Variants in DDX19B observed in about 807,000 individuals in gnomAD.
The protein encoded by DDX19B is ATP-dependent RNA helicase DDX19B.
A neutral mutation model predicts 58.1 loss-of-function variants in DDX19B; 27 were observed. The observed-to-expected ratio is 0.46, with a 90% confidence interval of 0.34 to 0.64. DDX19B has a LOEUF of 0.64. Ranked by LOEUF, DDX19B falls within the 30% of genes least tolerant of loss-of-function variation. The probability of loss-of-function intolerance (pLI) is 0.01; values close to 1 mark genes in which losing one functional copy is unlikely to be tolerated. For missense variants in DDX19B, 399 were observed against 596.5 expected (o/e 0.67, Z 3.45); for synonymous variants, 187 against 214.4 (o/e 0.87, Z 1.12).
At chr16:70,313,661 ATATT>A (rs1962204054) in intron 2 of DDX19B, among the ~76,000 whole-genome samples, 1 of 152,194 alleles carries the variant, frequency 6.6e-6, no homozygotes, top group Non-Finnish European at 1.5e-5. Flanking sequence ...TTCTGAAATC[ATATT>A]TATCCAAAGT....
chr16:70,301,876 G>T (rs1961504984), intron 1 of DDX19B, among the ~76,000 whole-genome samples: 1 of 149,912 alleles, frequency 6.7e-6, no homozygotes, highest in Admixed American at 6.7e-5. Context: ...GCTTTTCCCA[G>T]AACTCTTATT....
intron 1 of DDX19B, among the ~76,000 whole-genome samples, chr16:70,300,852 T>A (rs1355382529): frequency 1.3e-5 from 2 of 152,210 alleles, no homozygotes. Flanking sequence ...ATAAAATTTA[T>A]TTTACTTGGA....
intron 7 of DDX19B, 51 bp from the exon 8 acceptor site, chr16:70,329,241 A>T (rs1963346813): frequency 1.3e-6 from 2 of 1,566,096 alleles, no homozygotes; most frequent in East Asian, 2.3e-5. Flanking sequence ...AAAAAAAAAA[A>T]AAGAAAGAAA....
upstream of DDX19B, among the ~76,000 whole-genome samples, chr16:70,293,563 C>G (rs942514767): frequency 7.1e-6 from 1 of 141,758 alleles, no homozygotes; most frequent in Non-Finnish European, 1.5e-5. Context: ...ACAATGCTGG[C>G]TTATTTGGTA....
At chr16:70,310,559 A>G (rs1280339927) in intron 1 of DDX19B, among the ~76,000 whole-genome samples, 1 of 151,930 alleles carries the variant, frequency 6.6e-6, no homozygotes, top group Non-Finnish European at 1.5e-5. Context: ...AAAAAAAGAA[A>G]GAACCATTAG....
At chr16:70,295,522 A>G (rs1961187369), upstream of DDX19B, among the ~76,000 whole-genome samples, 2 of 152,034 alleles carry the variant, frequency 1.3e-5, no homozygotes, top group Admixed American at 1.3e-4. Flanking sequence ...TAGTAGAAGA[A>G]AAAACACATG....
upstream of DDX19B, among the ~76,000 whole-genome samples, chr16:70,292,142 A>G (rs953699102): frequency 2.0e-5 from 3 of 151,532 alleles, no homozygotes; most frequent in Non-Finnish European, 2.9e-5. Flanking sequence ...ACAAAGCAAG[A>G]CCCTTGTCTC....
chr16:70,325,722 C>A, intron 7 of DDX19B, 34 bp downstream of exon 7: 1 of 1,458,078 alleles, frequency 6.9e-7, no homozygotes, highest in Non-Finnish European at 9.6e-7. Flanking sequence ...AATCATCAAC[C>A]TAATTCTTTT....
upstream of DDX19B, among the ~76,000 whole-genome samples, chr16:70,295,423 G>A: frequency 6.6e-6 from 1 of 151,728 alleles, no homozygotes; most frequent in Non-Finnish European, 1.5e-5. Flanking sequence ...ACAGGCTCAC[G>A]CCACCACGCC....
intron 1 of DDX19B, among the ~76,000 whole-genome samples, chr16:70,307,022 G>C (rs1482715404): frequency 6.6e-6 from 1 of 152,148 alleles, no homozygotes; most frequent in Non-Finnish European, 1.5e-5. Flanking sequence ...AATGAACTAA[G>C]GTTCATTAGT....
Position 70,299,230 on chromosome 16 carries a change from G to A in DDX19B, c.-68G>A, listed in dbSNP as rs28523566. ...GGAGCAGAGCCTGCCGCGAACCCCC[G>A]GAGCCCACGATCCCTCGTGCCATCC... On this transcript the variant is annotated 5_prime_UTR_variant, in exon 1 of 12. Transcript: ENST00000288071. The A allele has an allele frequency of 1.1e-3, 1,617 of 1,467,710 alleles. 11 individuals are homozygous for A. The African/African-American group carries it at 0.019, about 18-fold the overall frequency. 90.9% of individuals were successfully genotyped at this position (1,467,710 alleles called of 1,614,324 possible).
At chr16:70,331,314 T>G (rs945028076) in intron 9 of DDX19B, among the ~76,000 whole-genome samples, 1 of 152,046 alleles carries the variant, frequency 6.6e-6, no homozygotes, top group African/African-American at 2.4e-5. Flanking sequence ...TCCCAAAGCC[T>G]AAGACTACAG....
At chr16:70,325,478 A>G (rs543332261) in intron 6 of DDX19B, 96 bp from the exon 7 acceptor site, 4 of 777,648 alleles carry the variant, frequency 5.1e-6, no homozygotes, top group Non-Finnish European at 8.9e-6. Flanking sequence ...TCTTTCCTTC[A>G]GCTTCAGCTG....
At chr16:70,328,443 A>G (rs1963297912) in intron 7 of DDX19B, among the ~76,000 whole-genome samples, 2 of 147,412 alleles carry the variant, frequency 1.4e-5, no homozygotes, top group Non-Finnish European at 3.0e-5. Context: ...GCTCACTGCA[A>G]CCTCCGCCTC....
At chr16:70,306,868 C>A (rs1961783616) in intron 1 of DDX19B, among the ~76,000 whole-genome samples, 2 of 152,228 alleles carry the variant, frequency 1.3e-5, no homozygotes, top group African/African-American at 2.4e-5. Context: ...TTAGCAGTTA[C>A]TCCCTGTTTC....
At chr16:70,333,381 G>C (rs1197959252) in intron 11 of DDX19B, 140 bp from the exon 12 acceptor site, 102 of 1,363,292 alleles carry the variant, frequency 7.5e-5, no homozygotes, top group Non-Finnish European at 9.9e-5. Flanking sequence ...GTGGGGCTCT[G>C]ACTGTTGCTG....
At chr16:70,293,597 ATTTT>A (rs71151182), upstream of DDX19B, among the ~76,000 whole-genome samples, 35 of 77,020 alleles carry the variant, frequency 4.5e-4, no homozygotes, top group African/African-American at 1.8e-3. Flanking sequence ...GGATGGCTGA[ATTTT>A]TTTTTTTTTT....
chr16:70,305,575 T>C (rs75919493), intron 1 of DDX19B, among the ~76,000 whole-genome samples: 5,610 of 152,214 alleles, frequency 0.037, 154 homozygotes, highest in East Asian at 0.11. Context: ...TAATAAAGGC[T>C]GAGATAAAAA....
intron 1 of DDX19B, among the ~76,000 whole-genome samples, chr16:70,309,291 C>G (rs767539390): frequency 6.6e-5 from 10 of 151,334 alleles, no homozygotes; most frequent in Non-Finnish European, 1.3e-4. Context: ...GTCAGGAGAT[C>G]GAGACCATCC....
Sources: allele counts gnomAD v4.1 joint callset (sites outside exome capture counted in the v4.1 genomes callset), GRCh38; gene constraint gnomAD v4.1.1; transcripts MANE v1.5; gene names NCBI Gene and HGNC (gene_info 2026-07-23, HGNC 2026-07-21).